AKAP9: variants seen among roughly 807,000 people sequenced by gnomAD.
AKAP9 encodes A-kinase anchoring protein 9.
In AKAP9, 311 loss-of-function variants were observed where a neutral mutation model predicts 488.5. The observed-to-expected ratio is 0.64, with a 90% confidence interval of 0.58 to 0.70. The LOEUF is 0.70. Ranked by LOEUF, AKAP9 falls within the 30% of genes least tolerant of loss-of-function variation. The probability of loss-of-function intolerance (pLI) is 0.00; values close to 1 mark genes in which losing one functional copy is unlikely to be tolerated. For missense variants in AKAP9, 4,215 were observed against 4,374.5 expected (o/e 0.96, Z 1.03); for synonymous variants, 1,462 against 1,483.5 (o/e 0.99, Z 0.33).
chr7:91,957,682 T>C (rs962658910), intron 1 of AKAP9, among the ~76,000 whole-genome samples: 3 of 152,222 alleles, frequency 2.0e-5, no homozygotes, highest in Non-Finnish European at 4.4e-5. Context: ...TCTATGACAA[T>C]GTATATTTAG....
At position 92,077,848 on chromosome 7, in the gene AKAP9, G is replaced by A. The variant is rs188264356; in HGVS notation, c.6918G>A (p.Gln2306=). 2.1e-4 allele frequency: 343 copies of A among 1,613,074 alleles called. No individual in the cohort carries two copies. Among genetic ancestry groups the A allele is most frequent in the Non-Finnish European group, 1.4e-5 (16 of 1,179,522 alleles). The change falls in exon 30 of 50, where the codon CAG becomes CAA. Residue 2306 remains glutamine (Q), a synonymous_variant. Coordinates refer to ENST00000356239, the MANE Select transcript of AKAP9 (RefSeq NM_005751.5). ...QLNEQVTKLQ[Q]QLKITTDNKV... The stretch of plus-strand genomic sequence containing the variant: ...ATGAACAAGTTACGAAACTCCAGCA[G>A]CAACTTAAAATTACAACAGATAACA...
At chr7:91,964,427 T>C (rs910535027) in intron 1 of AKAP9, among the ~76,000 whole-genome samples, 8 of 152,180 alleles carry the variant, frequency 5.3e-5, no homozygotes, top group Non-Finnish European at 7.4e-5. Flanking sequence ...TAATACATAC[T>C]TCTGATGTTA....
chr7:92,014,430 C>T (rs1203385152), intron 10 of AKAP9, 102 bp downstream of exon 10: 3 of 815,026 alleles, frequency 3.7e-6, no homozygotes, highest in Non-Finnish European at 6.2e-6. Context: ...GAGTTCGAGA[C>T]CAGCCTGGCC....
At chr7:92,048,537 T>C (rs1807389794) in intron 21 of AKAP9, among the ~76,000 whole-genome samples, 1 of 152,232 alleles carries the variant, frequency 6.6e-6, no homozygotes, top group Non-Finnish European at 1.5e-5. Context: ...GGTTTTATGC[T>C]CACCTCTCCC....
At chr7:92,055,069 G>A (rs1005655725) in intron 22 of AKAP9, among the ~76,000 whole-genome samples, 2 of 151,968 alleles carry the variant, frequency 1.3e-5, no homozygotes, top group East Asian at 1.9e-4. Flanking sequence ...TAGAGCCATA[G>A]GAGGTTATTT....
At chr7:91,953,253 A>C (rs1012830924) in intron 1 of AKAP9, among the ~76,000 whole-genome samples, 1 of 152,200 alleles carries the variant, frequency 6.6e-6, no homozygotes, top group Non-Finnish European at 1.5e-5. Context: ...TACTAAGAAA[A>C]ATGTGGTCAA....
intron 7 of AKAP9, among the ~76,000 whole-genome samples, chr7:91,996,275 A>G (rs1798389189): frequency 2.0e-5 from 3 of 152,172 alleles, no homozygotes; most frequent in South Asian, 2.1e-4. Flanking sequence ...TGGGAGGAAT[A>G]TGTGTCCGTG....
In AKAP9 at chr7:92,102,731, G is replaced by T. The variant is rs150138799; in HGVS notation, c.11235G>T (p.Gly3745=). Residue 3745 remains glycine (G), a synonymous_variant, in exon 46 of 50, where the codon GGG becomes GGT. Coordinates refer to ENST00000356239, the MANE Select transcript of AKAP9 (RefSeq NM_005751.5). ...ATLALLARMG[G]QPAFTDLEVI... ...TGGCCCTGCTTGCCCGGATGGGGGG[G>T]CAGCCAGCTTTCACGGATCTAGAGG... The T allele has an allele frequency of 6.2e-7, 1 of 1,614,194 alleles. No homozygotes were observed. Among genetic ancestry groups the T allele is most frequent in the Non-Finnish European group, 8.5e-7 (1 of 1,180,026 alleles).
intron 7 of AKAP9, among the ~76,000 whole-genome samples, chr7:91,998,462 C>G: frequency 1.2e-5 from 1 of 81,744 alleles, no homozygotes; most frequent in African/African-American, 4.3e-5. Flanking sequence ...TTTTAGAATT[C>G]AGAGTAAGTG....
At chr7:92,014,836 A>G (rs1801283546) in intron 10 of AKAP9, among the ~76,000 whole-genome samples, 1 of 152,162 alleles carries the variant, frequency 6.6e-6, no homozygotes, top group Non-Finnish European at 1.5e-5. Flanking sequence ...AAAGAAATTC[A>G]GGTAAATTAT....
intron 1 of AKAP9, among the ~76,000 whole-genome samples, chr7:91,973,104 C>T (rs187352098): frequency 5.3e-4 from 81 of 152,294 alleles, no homozygotes; most frequent in African/African-American, 1.9e-3. Context: ...GGCCAGCACA[C>T]TGGCTCACGT....
intron 1 of AKAP9, among the ~76,000 whole-genome samples, chr7:91,960,313 A>G (rs1793574778): frequency 6.6e-6 from 1 of 152,132 alleles, no homozygotes; most frequent in Non-Finnish European, 1.5e-5. Flanking sequence ...CTGTTTGGTG[A>G]TATCACTTGC....
chr7:92,087,651 C>A (rs1161457203), intron 37 of AKAP9, among the ~76,000 whole-genome samples: 2 of 151,684 alleles, frequency 1.3e-5, no homozygotes, highest in Non-Finnish European at 2.9e-5. Flanking sequence ...ACTGATGATT[C>A]TAGGGATGGA....
In AKAP9 at chr7:92,032,976, CGTTTT is replaced by C. The variant is rs544220257; in HGVS notation, c.4338+1373_4338+1377del. Reference sequence around the variant, plus strand: ...AAGTTACTTAACTTGTGAATCTCAGCGTTTTATATGTTGAAAGAGGAAATTGGCTT... The same window carrying C: ...AAGTTACTTAACTTGTGAATCTCAGCATATGTTGAAAGAGGAAATTGGCTT... On this transcript the variant is annotated intron_variant, in intron 16 of 49. Transcript: ENST00000356239. Among the ~76,000 whole-genome samples, 558 of 152,100 alleles carry C rather than the reference CGTTTT, an allele frequency of 3.7e-3. 1 individual carries two copies. Among genetic ancestry groups the C allele is most frequent in the Non-Finnish European group, 5.8e-3 (393 of 67,990 alleles).
In AKAP9 at chr7:92,098,194, A is replaced by C. The variant is rs267601626; in HGVS notation, c.10693A>C (p.Thr3565Pro). 2 of 1,607,900 alleles carry C rather than the reference A, an allele frequency of 1.2e-6. No homozygotes were observed. Among genetic ancestry groups the C allele is most frequent in the African/African-American group, 2.7e-5 (2 of 74,810 alleles). The change falls in exon 43 of 50, where the codon ACT becomes CCT. Residue 3565 changes from threonine to proline, a missense_variant. Transcript: ENST00000356239. ...DEIILQLQKL[T>P]GQQGEEPSLV... ...AATTATTTTACAACTACAGAAATTAACTGGCCAGCAAGGTGAAGAGGTAAT... is the reference window on the plus strand; with the variant it reads ...AATTATTTTACAACTACAGAAATTACCTGGCCAGCAAGGTGAAGAGGTAAT...
At chr7:92,053,304 A>C (rs963836894) in intron 22 of AKAP9, among the ~76,000 whole-genome samples, 1 of 152,200 alleles carries the variant, frequency 6.6e-6, no homozygotes, top group Non-Finnish European at 1.5e-5. Context: ...GATCTCAGCC[A>C]GTGTTAATGC....
At chr7:91,958,814 CTT>C (rs1040111472) in intron 1 of AKAP9, among the ~76,000 whole-genome samples, 2 of 151,810 alleles carry the variant, frequency 1.3e-5, no homozygotes, top group African/African-American at 4.8e-5. Flanking sequence ...CAGCTTTGTT[CTT>C]TTTTATCCAA....
rs779368552 is a variant in AKAP9 at position 92,079,477 on chromosome 7, G to A, written c.7344G>A (p.Glu2448=). The change falls in exon 31 of 50, where the codon GAG becomes GAA. Residue 2448 remains glutamate (E), a synonymous_variant. Coordinates refer to ENST00000356239, the MANE Select transcript of AKAP9 (RefSeq NM_005751.5). ...ESVEKIQSIP[E]NSVNVAIDHL... The stretch of plus-strand genomic sequence containing the variant: ...TGGAAAAGATTCAAAGCATACCAGA[G>A]AATAGTGTTAACGTGGCTATAGATC... The A allele has an allele frequency of 3.1e-6, 5 of 1,613,880 alleles. No individual in the cohort carries two copies. The highest frequency in any genetic ancestry group is 2.7e-5 in the African/African-American group (2 of 74,940).
intron 14 of AKAP9, among the ~76,000 whole-genome samples, chr7:92,027,833 C>T (rs757274400): frequency 5.3e-5 from 8 of 152,040 alleles, no homozygotes; most frequent in South Asian, 2.1e-4. Context: ...ATGACGATGG[C>T]GGTTTTGTTG....
Sources: allele counts gnomAD v4.1 joint callset (sites outside exome capture counted in the v4.1 genomes callset), GRCh38; gene constraint gnomAD v4.1.1; transcripts MANE v1.5; gene names NCBI Gene and HGNC (gene_info 2026-07-23, HGNC 2026-07-21).